ZNF536: variants seen among roughly 807,000 people sequenced by gnomAD.
ZNF536 encodes zinc finger protein 536.
In ZNF536, 13 loss-of-function variants were observed where a neutral mutation model predicts 84.5. The observed-to-expected ratio is 0.15, with a 90% CI of 0.10 to 0.24. The LOEUF (loss-of-function observed/expected upper bound fraction) is 0.24, where lower values mean the gene tolerates loss of function less well. Ranked by LOEUF, ZNF536 falls within the 10% of genes least tolerant of loss-of-function variation. ZNF536 has a pLI of 1.00. For synonymous variants in ZNF536, 811 were observed against 742.5 expected, an observed-to-expected ratio of 1.09 and a Z score of -1.50; for missense variants, 1,536 against 1,747.5, an observed-to-expected ratio of 0.88 and a Z score of 2.16.
At position 30,444,825 on chromosome 19, in the gene ZNF536, G is replaced by A. The variant is rs146595841; in HGVS notation, c.1263G>A (p.Glu421=). ...VPVPMGGMSQ[E]AHANLYSRYL... ...TGCCCATGGGCGGCATGTCCCAGGA[G>A]GCCCACGCCAACCTGTACTCCAGGT... Residue 421 remains glutamate, a synonymous_variant, in exon 2 of 5, where the codon GAG becomes GAA. Coordinates refer to ENST00000355537, the MANE Select transcript of ZNF536 (RefSeq NM_014717.3). 6.3e-5 allele frequency: 101 copies of A among 1,613,806 alleles called. No individual in the cohort carries two copies. The African/African-American group carries it at 1.2e-3, about 19-fold the overall frequency.
At chr19:30,629,293 G>T (rs746631453) in intron 1 of ZNF536, among the ~76,000 whole-genome samples, 1 of 152,082 alleles carries the variant, frequency 6.6e-6, no homozygotes, top group Non-Finnish European at 1.5e-5. Flanking sequence ...CGACCTCCTC[G>T]GGTTCAGGTA....
chr19:30,429,502 C>T (rs370154460), intron 1 of ZNF536, among the ~76,000 whole-genome samples: 4 of 152,128 alleles, frequency 2.6e-5, no homozygotes, highest in Middle Eastern at 3.2e-3. Context: ...CACCCCGCAT[C>T]GTCAGCTCAC....
intron 1 of ZNF536, among the ~76,000 whole-genome samples, chr19:30,271,575 C>T (rs1599989727): frequency 6.6e-6 from 1 of 152,228 alleles, no homozygotes; most frequent in East Asian, 1.9e-4. Flanking sequence ...GAGCAAAACC[C>T]CACCATTCTC....
At chr19:30,237,761 CATATCT>C (rs2023644150) in intron 1 of ZNF536, among the ~76,000 whole-genome samples, 2 of 148,944 alleles carry the variant, frequency 1.3e-5, no homozygotes, top group Admixed American at 1.3e-4. Flanking sequence ...TTGATACATC[CATATCT>C]ATAAGTTCTT....
At chr19:30,622,951 T>C (rs185785580) in intron 1 of ZNF536, among the ~76,000 whole-genome samples, 1 of 151,918 alleles carries the variant, frequency 6.6e-6, no homozygotes, top group Non-Finnish European at 1.5e-5. Flanking sequence ...CCTAGAGTTT[T>C]TTTTTTTCTT....
intron 2 of ZNF536, among the ~76,000 whole-genome samples, chr19:30,531,784 C>T (rs1328666377): frequency 6.6e-6 from 1 of 152,048 alleles, no homozygotes; most frequent in Non-Finnish European, 1.5e-5. Flanking sequence ...CCCACCACAC[C>T]CAGCTAATTT....
chr19:30,246,416 A>G (rs2024280152), intron 1 of ZNF536, among the ~76,000 whole-genome samples: 2 of 152,198 alleles, frequency 1.3e-5, no homozygotes, highest in Non-Finnish European at 2.9e-5. Context: ...TGCGGCATCA[A>G]ATGTTTTCCT....
chr19:30,488,605 C>G (rs933904819), intron 2 of ZNF536, among the ~76,000 whole-genome samples: 31 of 151,088 alleles, frequency 2.1e-4, no homozygotes, highest in African/African-American at 6.6e-4. Context: ...ACAGACTCTT[C>G]TGAGCATCGA....
At chr19:30,496,388 G>C (rs1021715950) in intron 2 of ZNF536, among the ~76,000 whole-genome samples, 1 of 152,156 alleles carries the variant, frequency 6.6e-6, no homozygotes, top group African/African-American at 2.4e-5. Flanking sequence ...GGGATGCCAT[G>C]GTCCTTTGAA....
Position 30,605,033 on chromosome 19 carries a change from G to A in ZNF536, c.169+55519G>A, listed in dbSNP as rs1679832929. Among the ~76,000 whole-genome samples, 3 of 152,260 alleles carry A rather than the reference G, an allele frequency of 2.0e-5. No homozygotes were observed. The South Asian group carries it at 6.2e-4, about 32-fold the overall frequency. On this transcript the variant is annotated intron_variant, in intron 1 of 1. Transcript: ENST00000592773. ...TTCATTACCTTATTTAATCCTCACAGTCTCTCTGTTGGGTAAGGGGTCTCA... is the reference window on the plus strand; with the variant it reads ...TTCATTACCTTATTTAATCCTCACAATCTCTCTGTTGGGTAAGGGGTCTCA...
At position 30,444,810 on chromosome 19, in the gene ZNF536, C is replaced by A. The variant is rs1210438094; in HGVS notation, c.1248C>A (p.Gly416=). The part of the protein sequence containing the change: ...PSDPEVPVPM[G]GMSQEAHANL... The stretch of plus-strand genomic sequence containing the variant: ...ACCCCGAGGTGCCTGTGCCCATGGG[C>A]GGCATGTCCCAGGAGGCCCACGCCA... Residue 416 remains glycine, a synonymous_variant, in exon 2 of 5, where the codon GGC becomes GGA. Transcript: ENST00000355537. 6.2e-7 allele frequency: 1 copy of A among 1,613,874 alleles called. No individual in the cohort carries two copies. The highest frequency in any genetic ancestry group is 8.5e-7 in the Non-Finnish European group (1 of 1,180,046).
chr19:30,474,967 C>G, intron 2 of ZNF536, among the ~76,000 whole-genome samples: 1 of 150,518 alleles, frequency 6.6e-6, no homozygotes, highest in Non-Finnish European at 1.5e-5. Flanking sequence ...CTTCCTCTCT[C>G]TCTCCTTTCT....
chr19:30,597,375 C>T (rs73028845), intron 1 of ZNF536, among the ~76,000 whole-genome samples: 247 of 152,346 alleles, frequency 1.6e-3, no homozygotes, highest in Non-Finnish European at 2.6e-3. Flanking sequence ...TCATGGGCAT[C>T]CCCCTCTAGA....
intron 1 of ZNF536, among the ~76,000 whole-genome samples, chr19:30,567,991 T>C (rs2046412799): frequency 6.6e-6 from 1 of 152,226 alleles, no homozygotes; most frequent in Non-Finnish European, 1.5e-5. Context: ...AAGGATCATA[T>C]GTGTTTCCCA....
intron 1 of ZNF536, among the ~76,000 whole-genome samples, chr19:30,236,737 C>T (rs1000320767): frequency 6.6e-6 from 1 of 152,144 alleles, no homozygotes; most frequent in African/African-American, 2.4e-5. Flanking sequence ...TTAGCTCAGC[C>T]AGGGTCTGGT....
intron 1 of ZNF536, among the ~76,000 whole-genome samples, chr19:30,632,388 C>T (rs946064519): frequency 6.6e-6 from 1 of 152,116 alleles, no homozygotes; most frequent in Non-Finnish European, 1.5e-5. Context: ...GGAGGATCAC[C>T]TGAGGTCTGG....
chr19:30,458,251 G>T (rs897788358), intron 2 of ZNF536, among the ~76,000 whole-genome samples: 1 of 151,978 alleles, frequency 6.6e-6, no homozygotes, highest in Non-Finnish European at 1.5e-5. Flanking sequence ...GAATTTGGGT[G>T]GGGAAGTGTA....
At chr19:30,629,330 G>T (rs1367196339) in intron 1 of ZNF536, among the ~76,000 whole-genome samples, 1 of 152,140 alleles carries the variant, frequency 6.6e-6, no homozygotes, top group African/African-American at 2.4e-5. Context: ...CTCCTAAGTA[G>T]CTGGGACCAC....
chr19:30,585,633 T>G (rs1248225101), intron 1 of ZNF536, among the ~76,000 whole-genome samples: 1 of 152,080 alleles, frequency 6.6e-6, no homozygotes, highest in Admixed American at 6.6e-5. Context: ...CTTTTATGCA[T>G]CTAGAATCAA....
Sources: gnomAD v4.1 joint callset for allele counts (sites outside exome capture counted in the v4.1 genomes callset) on GRCh38, gnomAD v4.1.1 for gene constraint, MANE v1.5 for transcripts, NCBI Gene and HGNC (gene_info 2026-07-23, HGNC 2026-07-21) for gene names.